The following ENTPD7 variants were observed in gnomAD, a reference collection of about 807,000 sequenced individuals.
The protein encoded by ENTPD7 is ectonucleoside triphosphate diphosphohydrolase 7, also known as NTPDase 7.
In ENTPD7, 53 loss-of-function variants were observed where a neutral mutation model predicts 77.9. The ratio of observed to expected loss-of-function variants is 0.68; its 90% confidence interval spans 0.55 to 0.85. The LOEUF is 0.85. Among genes scored for constraint, ENTPD7 ranks in the 40% least tolerant of loss-of-function variants. The pLI, the probability that ENTPD7 is intolerant of heterozygous loss-of-function variation, is 0.00. For missense variants in ENTPD7, 636 were observed against 743.7 expected (o/e 0.86, Z 1.68); for synonymous variants, 248 against 274.9 (o/e 0.90, Z 0.97).
Position 99,661,427 on chromosome 10 carries a change from A to G in ENTPD7, c.9-19A>G. 4 of 1,578,996 alleles carry G rather than the reference A, an allele frequency of 2.5e-6. No individual in the cohort carries two copies. The highest frequency in any genetic ancestry group is 3.4e-6 in the Non-Finnish European group (4 of 1,163,898). On this transcript the variant is annotated intron_variant, in intron 2 of 12. Coordinates refer to ENST00000370489, the MANE Select transcript of ENTPD7 (RefSeq NM_020354.5). ...GTTGTAGAAATGTTTCAGACTTACT[A>G]ATGTTTGTCTAATTTCAGGATCAGT...
intron 3 of ENTPD7, among the ~76,000 whole-genome samples, chr10:99,669,992 A>G (rs899151538): frequency 2.0e-5 from 3 of 150,842 alleles, no homozygotes; most frequent in African/African-American, 7.3e-5. Flanking sequence ...CTCATGATCC[A>G]CCCGCCTCGG....
intron 11 of ENTPD7, among the ~76,000 whole-genome samples, chr10:99,702,166 T>C (rs531745203): frequency 6.6e-6 from 1 of 152,360 alleles, no homozygotes; most frequent in African/African-American, 2.4e-5. Flanking sequence ...ATCTTGTTTT[T>C]ATCTGTTTTC....
chr10:99,695,311 T>G (rs1177001238), intron 8 of ENTPD7, among the ~76,000 whole-genome samples: 1 of 151,686 alleles, frequency 6.6e-6, no homozygotes, highest in Non-Finnish European at 1.5e-5. Flanking sequence ...GATCATGAGG[T>G]CAAGAGATCG....
chr10:99,694,983 A>C (rs1270723912), intron 8 of ENTPD7, among the ~76,000 whole-genome samples: 1 of 152,242 alleles, frequency 6.6e-6, no homozygotes, highest in Admixed American at 6.5e-5. Flanking sequence ...AACACATTAG[A>C]ATGGTTGCCC....
rs2036040846 is a variant in ENTPD7 at position 99,698,717 on chromosome 10, C to T, written c.1194C>T (p.Ala398=). 6.2e-7 allele frequency: 1 copy of T among 1,614,226 alleles called. No individual in the cohort carries two copies. The highest frequency in any genetic ancestry group is 1.1e-5 in the South Asian group (1 of 91,090). ...PLLARSNTSQ[A]SLNGIYQSPI... Reference sequence around the variant, plus strand: ...TGGCTCGCTCCAACACCAGCCAGGCCTCACTCAATGGCATATATCAATCGC... The same window carrying T: ...TGGCTCGCTCCAACACCAGCCAGGCTTCACTCAATGGCATATATCAATCGC... The change falls in exon 10 of 13, where the codon GCC becomes GCT. Residue 398 remains alanine, a synonymous_variant. Transcript: ENST00000370489.
chr10:99,703,318 A>G (rs866526600), intron 12 of ENTPD7, among the ~76,000 whole-genome samples: 4 of 152,194 alleles, frequency 2.6e-5, no homozygotes, highest in Non-Finnish European at 5.9e-5. Context: ...CTCTAAACTC[A>G]ATACCGTCAG....
intron 8 of ENTPD7, among the ~76,000 whole-genome samples, chr10:99,692,642 G>A (rs565038235): frequency 3.3e-5 from 5 of 152,084 alleles, no homozygotes; most frequent in East Asian, 3.9e-4. Flanking sequence ...AGGGAATGAC[G>A]AATAGCCTTT....
intron 8 of ENTPD7, among the ~76,000 whole-genome samples, chr10:99,693,484 A>G (rs1044045208): frequency 3.9e-5 from 6 of 152,242 alleles, no homozygotes; most frequent in Non-Finnish European, 7.3e-5. Flanking sequence ...TGGATCTGAT[A>G]CTAAGAAATA....
At chr10:99,667,235 A>G (rs2035561318) in intron 3 of ENTPD7, among the ~76,000 whole-genome samples, 1 of 152,222 alleles carries the variant, frequency 6.6e-6, no homozygotes. Flanking sequence ...ATTGCCACAA[A>G]TGACCATTTA....
intron 3 of ENTPD7, among the ~76,000 whole-genome samples, chr10:99,668,484 A>G (rs2035579458): frequency 6.6e-6 from 1 of 152,194 alleles, no homozygotes; most frequent in Admixed American, 6.5e-5. Context: ...CAGGTTTCTT[A>G]ATATCCTGGA....
rs1237252254 is a variant in ENTPD7 at position 99,679,339 on chromosome 10, T to C, written c.270T>C (p.Cys90=). 26 of 1,614,080 alleles carry C rather than the reference T, an allele frequency of 1.6e-5. No homozygotes were observed. Among genetic ancestry groups the C allele is most frequent in the Non-Finnish European group, 2.0e-5 (24 of 1,180,036 alleles). Residue 90 remains cysteine, a synonymous_variant, in exon 4 of 13, where the codon TGT becomes TGC. Transcript: ENST00000370489. ...TGAATTATGGACTTGTTGTTGACTGTGGCAGCAGTGGTTCCCGGATTTTTG... is the reference window on the plus strand; with the variant it reads ...TGAATTATGGACTTGTTGTTGACTGCGGCAGCAGTGGTTCCCGGATTTTTG... The part of the protein sequence containing the change: ...PNLNYGLVVD[C]GSSGSRIFVY...
intron 3 of ENTPD7, among the ~76,000 whole-genome samples, chr10:99,662,506 A>G (rs964967294): frequency 6.6e-6 from 1 of 152,090 alleles, no homozygotes; most frequent in African/African-American, 2.4e-5. Flanking sequence ...TTATTTCTAC[A>G]TGTTATAAGC....
At chr10:99,671,837 A>T (rs184603315) in intron 3 of ENTPD7, among the ~76,000 whole-genome samples, 1 of 152,146 alleles carries the variant, frequency 6.6e-6, no homozygotes, top group Non-Finnish European at 1.5e-5. Flanking sequence ...TTCCTTTACC[A>T]TCTGGAAATA....
chr10:99,698,332 T>G (rs1372210287), intron 9 of ENTPD7, among the ~76,000 whole-genome samples: 1 of 152,224 alleles, frequency 6.6e-6, no homozygotes, highest in African/African-American at 2.4e-5. Context: ...ACAGAATTGA[T>G]CACCATATTC....
intron 3 of ENTPD7, among the ~76,000 whole-genome samples, chr10:99,677,515 C>T (rs1379285059): frequency 6.6e-6 from 1 of 151,964 alleles, no homozygotes; most frequent in Non-Finnish European, 1.5e-5. Flanking sequence ...CAGGCTCCCA[C>T]CACCATGCCT....
At chr10:99,696,447 T>A (rs550109717) in intron 9 of ENTPD7, among the ~76,000 whole-genome samples, 1 of 152,388 alleles carries the variant, frequency 6.6e-6, no homozygotes, top group East Asian at 1.9e-4. Context: ...ATAGTGTAGC[T>A]GCTAGCAGTT....
chr10:99,695,799 G>A (rs551038760), intron 8 of ENTPD7, among the ~76,000 whole-genome samples, 157 bp from the exon 9 acceptor site: 2 of 152,072 alleles, frequency 1.3e-5, no homozygotes, highest in African/African-American at 4.8e-5. Flanking sequence ...TTGTCATTTT[G>A]TGTCTTTGTT....
chr10:99,682,914 G>T (rs2035770495), intron 5 of ENTPD7, among the ~76,000 whole-genome samples: 1 of 152,122 alleles, frequency 6.6e-6, no homozygotes, highest in Non-Finnish European at 1.5e-5. Flanking sequence ...TGGTAGTTTG[G>T]CTACCTTTAG....
intron 9 of ENTPD7, 24 bp from the exon 10 acceptor site, chr10:99,698,510 T>C: frequency 1.9e-6 from 3 of 1,605,866 alleles, no homozygotes; most frequent in Non-Finnish European, 2.6e-6. Flanking sequence ...TTTGTTTGTT[T>C]GTTTGTTTTT....
Sources: allele counts gnomAD v4.1 joint callset (sites outside exome capture counted in the v4.1 genomes callset), GRCh38; gene constraint gnomAD v4.1.1; transcripts MANE v1.5; gene names NCBI Gene and HGNC (gene_info 2026-07-23, HGNC 2026-07-21).